PSMD8: variants seen among roughly 807,000 people sequenced by gnomAD.
The protein encoded by PSMD8 is 26S proteasome non-ATPase regulatory subunit 8.
PSMD8 carries 30 observed loss-of-function variants against 40.0 expected under a neutral mutation model. The ratio of observed to expected loss-of-function variants is 0.75; its 90% CI spans 0.56 to 1.02. The LOEUF (loss-of-function observed/expected upper bound fraction) is 1.02. PSMD8 is among the 50% of genes least tolerant of loss of function. The probability of loss-of-function intolerance (pLI) is 0.00; values close to 1 mark genes in which losing one functional copy is unlikely to be tolerated. For synonymous variants in PSMD8, 208 were observed against 192.5 expected (o/e 1.08, Z -0.67); for missense variants, 461 against 463.9 (o/e 0.99, Z 0.06).
rs1417223890 is a variant in PSMD8, at chr19:38,374,572, A to C, written c.-30A>C. ...AAGCCAACTTCCGGTCACCATCTTGAGTGACGACAGAGGCGGAGCTCCAAC... is the reference window on the plus strand; with the variant it reads ...AAGCCAACTTCCGGTCACCATCTTGCGTGACGACAGAGGCGGAGCTCCAAC... On this transcript the variant is annotated 5_prime_UTR_variant, in exon 1 of 7. Transcript: ENST00000215071. 4 of 1,439,690 alleles carry C rather than the reference A, an allele frequency of 2.8e-6. No homozygotes were observed. The highest frequency in any genetic ancestry group is 1.5e-5 in the African/African-American group (1 of 68,144). The allele number at this position is 1,439,690 out of a possible 1,614,324, so 89.2% of individuals were successfully genotyped here.
intron 6 of PSMD8, chr19:38,382,966 G>C (rs1449535623): frequency 2.5e-6 from 1 of 392,404 alleles, no homozygotes; most frequent in African/African-American, 2.0e-5. Context: ...GATGGTGACA[G>C]CTGGTAACTG....
rs1320993836 is a variant in PSMD8, at chr19:38,380,993, C to CTATCA, written c.798_802dup (p.Arg268IlefsTer34). On this transcript the variant is annotated frameshift_variant, in exon 5 of 7. Coordinates refer to ENST00000215071, the MANE Select transcript of PSMD8 (RefSeq NM_002812.5). LOFTEE classifies it high-confidence loss of function. Reference sequence around the variant, plus strand: ...TTCTTCATTGACATCCTGCTCGACACTATCAGGTGCGTAGCGGGGCCGGGC... The same window carrying CTATCA: ...TTCTTCATTGACATCCTGCTCGACACTATCATATCAGGTGCGTAGCGGGGCCGGGC... The CTATCA allele has an allele frequency of 6.3e-7, 1 of 1,575,662 alleles. No homozygotes were observed. The highest frequency in any genetic ancestry group is 8.6e-7 in the Non-Finnish European group (1 of 1,159,576).
At chr19:38,378,606 GT>G (rs1401968599) in intron 3 of PSMD8, among the ~76,000 whole-genome samples, 1 of 151,348 alleles carries the variant, frequency 6.6e-6, no homozygotes, top group Non-Finnish European at 1.5e-5. Context: ...AGCGTGGGAA[GT>G]TGAGGCTGCA....
Position 38,383,249 on chromosome 19 carries a change from G to T in PSMD8, c.916-4G>T, listed in dbSNP as rs777407142. On this transcript the variant is annotated splice_polypyrimidine_tract_variant and splice_region_variant and intron_variant, in intron 6 of 6. Transcript: ENST00000215071. The stretch of plus-strand genomic sequence containing the variant: ...ACTCGTCTCTAATCCCTCCTTTCCT[G>T]CAGCGAGGGTGGGTCCTGGGCCCCA... 1 of 1,612,464 alleles carries T rather than the reference G, an allele frequency of 6.2e-7. No individual in the cohort carries two copies. The highest frequency in any genetic ancestry group is 8.5e-7 in the Non-Finnish European group (1 of 1,179,868).
Position 38,383,688 on chromosome 19 carries a change from G to C in PSMD8, c.*298G>C. The C allele has an allele frequency of 2.3e-6, 1 of 436,674 alleles. No individual in the cohort carries two copies. Among genetic ancestry groups the C allele is most frequent in the Non-Finnish European group, 4.2e-6 (1 of 236,564 alleles). 27.0% of individuals were successfully genotyped at this position (436,674 alleles called of 1,614,324 possible). On this transcript the variant is annotated 3_prime_UTR_variant, in exon 7 of 7. Coordinates refer to ENST00000215071, the MANE Select transcript of PSMD8 (RefSeq NM_002812.5). ...TGGCCTGCAGGAGGGCATGGCCCCA[G>C]GTAGGGGGACTGTTCTAGCCAGCTG...
intron 4 of PSMD8, among the ~76,000 whole-genome samples, 192 bp from the exon 5 acceptor site, chr19:38,380,707 A>AGTGTGTGT (rs35021765): frequency 5.8e-5 from 7 of 120,952 alleles, no homozygotes; most frequent in Admixed American, 2.5e-4. Context: ...AGAGAGAGAG[A>AGTGTGTGT]GTGTGTGTGT....
At chr19:38,382,086 C>T (rs751495894) in intron 5 of PSMD8, 31 bp from the exon 6 acceptor site, 6 of 1,507,436 alleles carry the variant, frequency 4.0e-6, no homozygotes, top group South Asian at 1.2e-5. Flanking sequence ...TGTTGATGCT[C>T]AGTAATGAGG....
intron 3 of PSMD8, 45 bp from the exon 4 acceptor site, chr19:38,379,195 G>C: frequency 6.3e-7 from 1 of 1,592,662 alleles, no homozygotes; most frequent in Non-Finnish European, 8.6e-7. Context: ...GGCTCGCTAG[G>C]CCCTTAAATC....
Position 38,382,826 on chromosome 19 carries a change from G to A in PSMD8, c.916-427G>A, listed in dbSNP as rs555896494. 1.1e-4 allele frequency: 20 copies of A among 178,450 alleles called. No individual in the cohort carries two copies. The South Asian group carries it at 2.5e-3, about 22-fold the overall frequency. 11.1% of individuals were successfully genotyped at this position (178,450 alleles called of 1,614,324 possible). On this transcript the variant is annotated intron_variant, in intron 6 of 6. Coordinates refer to ENST00000215071, the MANE Select transcript of PSMD8 (RefSeq NM_002812.5). ...CTCGGGAGGCTGAGGCAGGAGAATTGCTTGAACCCAGGAGGGTGGAGGTTG... is the reference window on the plus strand; with the variant it reads ...CTCGGGAGGCTGAGGCAGGAGAATTACTTGAACCCAGGAGGGTGGAGGTTG...
At chr19:38,379,763 G>A (rs144563561) in intron 4 of PSMD8, among the ~76,000 whole-genome samples, 13 of 152,300 alleles carry the variant, frequency 8.5e-5, no homozygotes, top group East Asian at 1.9e-4. Context: ...TATTTATCTC[G>A]GGGAGTCAGA....
At chr19:38,375,131 C>A in intron 1 of PSMD8, 170 bp downstream of exon 1, 2 of 1,142,178 alleles carry the variant, frequency 1.8e-6, no homozygotes, top group Non-Finnish European at 2.4e-6. Flanking sequence ...AGTGGGGGCT[C>A]GGAGGGCGTC....
chr19:38,374,953 C>T lies in PSMD8; in HGVS notation c.352C>T (p.Arg118Ter). Residue 118 changes from arginine (R) to a stop codon, truncating the protein, a stop_gained, in exon 1 of 7, where the codon CGA becomes TGA. Coordinates refer to ENST00000215071, the MANE Select transcript of PSMD8 (RefSeq NM_002812.5). LOFTEE classifies it high-confidence loss of function. The stretch of plus-strand genomic sequence containing the variant: ...TAGCAAGTGCGGGGAAGAGCTGGGT[C>T]GACTCAAGGTAAAGTCGGCAGGCCC... ...NLSKCGEELG[R>*]LKLVLLELNF... 1.3e-6 allele frequency: 2 copies of T among 1,563,830 alleles called. No homozygotes were observed. Among genetic ancestry groups the T allele is most frequent in the Non-Finnish European group, 1.7e-6 (2 of 1,163,388 alleles).
At chr19:38,381,495 C>T (rs779051157) in intron 5 of PSMD8, among the ~76,000 whole-genome samples, 1 of 152,170 alleles carries the variant, frequency 6.6e-6, no homozygotes, top group Non-Finnish European at 1.5e-5. Context: ...GAAGTGGTGG[C>T]TGAGCTGATG....
At chr19:38,383,121 C>A in intron 6 of PSMD8, 132 bp from the exon 7 acceptor site, 1 of 1,188,306 alleles carries the variant, frequency 8.4e-7, no homozygotes, top group African/African-American at 1.5e-5. Flanking sequence ...AGTTACTTGT[C>A]AAGGGTCGTT....
chr19:38,382,252 G>C, intron 6 of PSMD8, 24 bp downstream of exon 6: 1 of 1,544,848 alleles, frequency 6.5e-7, no homozygotes, highest in East Asian at 2.4e-5. Context: ...AGGGCAAGGG[G>C]CCGTGGGACC....
intron 4 of PSMD8, among the ~76,000 whole-genome samples, 174 bp from the exon 5 acceptor site, chr19:38,380,725 T>TGTGCGCGCGCGTGCGCGC (rs1970633390): frequency 6.7e-6 from 1 of 150,320 alleles, no homozygotes; most frequent in Non-Finnish European, 1.5e-5. Context: ...TGTGTGTGTG[T>TGTGCGCGCGCGTGCGCGC]GTGTGCGCAT....
chr19:38,383,251 A>C lies in PSMD8; in HGVS notation c.916-2A>C. 6.2e-7 allele frequency: 1 copy of C among 1,612,514 alleles called. No individual in the cohort carries two copies. Among genetic ancestry groups the C allele is most frequent in the South Asian group, 1.1e-5 (1 of 91,020 alleles). The stretch of plus-strand genomic sequence containing the variant: ...TCGTCTCTAATCCCTCCTTTCCTGC[A>C]GCGAGGGTGGGTCCTGGGCCCCAAC... On this transcript the variant is annotated splice_acceptor_variant, in intron 6 of 6. Transcript: ENST00000215071. LOFTEE classifies it high-confidence loss of function.
At chr19:38,382,268 G>A in intron 6 of PSMD8, 40 bp downstream of exon 6, 3 of 1,479,180 alleles carry the variant, frequency 2.0e-6, no homozygotes, top group African/African-American at 1.4e-5. Flanking sequence ...GGACCAAGGG[G>A]TGAAGTCACT....
intron 4 of PSMD8, 125 bp from the exon 5 acceptor site, chr19:38,380,774 G>A (rs978029650): frequency 1.5e-6 from 1 of 672,164 alleles, no homozygotes; most frequent in Non-Finnish European, 2.5e-6. Context: ...GGTACCCAGG[G>A]CAGGGGTGTG....
Sources: allele counts gnomAD v4.1 joint callset (sites outside exome capture counted in the v4.1 genomes callset), GRCh38; gene constraint gnomAD v4.1.1; transcripts MANE v1.5; gene names NCBI Gene and HGNC (gene_info 2026-07-23, HGNC 2026-07-21).